GSK3B: variants seen among roughly 807,000 people sequenced by gnomAD.
GSK3B encodes the protein glycogen synthase kinase-3 beta.
GSK3B carries 15 observed loss-of-function variants against 56.4 expected under a neutral mutation model. That is an observed-to-expected ratio of 0.27 (90% CI 0.18 to 0.41). The LOEUF is 0.41. Among genes scored for constraint, GSK3B ranks in the 10% least tolerant of loss-of-function variants. The pLI is 1.00. For synonymous variants in GSK3B, 181 were observed against 188.9 expected, an observed-to-expected ratio of 0.96 and a Z score of 0.34; for missense variants, 300 against 513.4, an observed-to-expected ratio of 0.58 and a Z score of 4.02.
chr3:119,967,803 T>C (rs1390345803), intron 2 of GSK3B, among the ~76,000 whole-genome samples: 1 of 142,196 alleles, frequency 7.0e-6, no homozygotes, highest in African/African-American at 2.6e-5. Context: ...TCTCTCTCCC[T>C]CTCTCCCTCC....
intron 10 of GSK3B, chr3:119,833,098 T>A: frequency 2.6e-6 from 1 of 378,104 alleles, no homozygotes; most frequent in Non-Finnish European, 3.6e-6. Flanking sequence ...ATTTCTTGCC[T>A]TGATTCCTTG....
chr3:119,987,658 T>TA (rs147290663), intron 2 of GSK3B, among the ~76,000 whole-genome samples: 5,221 of 152,082 alleles, frequency 0.034, 326 homozygotes, highest in African/African-American at 0.12. Context: ...TATAAAGCAT[T>TA]AAAAAAAGTC....
At chr3:119,891,157 G>C (rs1007371831) in intron 7 of GSK3B, among the ~76,000 whole-genome samples, 2 of 151,912 alleles carry the variant, frequency 1.3e-5, no homozygotes. Context: ...TCTGGAAGGG[G>C]AGTCAAGAGC....
chr3:120,093,009 A>C (rs1005139534), intron 1 of GSK3B, among the ~76,000 whole-genome samples: 1 of 152,264 alleles, frequency 6.6e-6, no homozygotes, highest in African/African-American at 2.4e-5. Flanking sequence ...TTTATTCTAA[A>C]GGATGGGCAA....
chr3:120,012,655 T>G (rs2057789308), intron 1 of GSK3B, among the ~76,000 whole-genome samples: 2 of 152,214 alleles, frequency 1.3e-5, no homozygotes, highest in East Asian at 3.8e-4. Flanking sequence ...AATCACTTTC[T>G]ATTGAAGGCT....
intron 2 of GSK3B, among the ~76,000 whole-genome samples, chr3:119,983,059 T>C (rs1396888600): frequency 6.6e-6 from 1 of 152,170 alleles, no homozygotes; most frequent in Non-Finnish European, 1.5e-5. Context: ...TATTCAAAAT[T>C]CTTAAAGAAG....
At chr3:120,010,261 T>C (rs1292754137) in intron 1 of GSK3B, among the ~76,000 whole-genome samples, 1 of 152,112 alleles carries the variant, frequency 6.6e-6, no homozygotes, top group Non-Finnish European at 1.5e-5. Flanking sequence ...CCCCCAAAAT[T>C]CTATGCTAAT....
At chr3:119,831,502 C>A (rs1312684750) in intron 10 of GSK3B, among the ~76,000 whole-genome samples, 1 of 151,578 alleles carries the variant, frequency 6.6e-6, no homozygotes, top group East Asian at 1.9e-4. Context: ...CTAAAAATAC[C>A]AAAAATTAGC....
chr3:119,999,615 A>T (rs2057656055), intron 2 of GSK3B, among the ~76,000 whole-genome samples: 1 of 152,372 alleles, frequency 6.6e-6, no homozygotes, highest in Non-Finnish European at 1.5e-5. Context: ...TGTCATAAAA[A>T]ATATGGAATT....
Position 119,828,951 on chromosome 3 carries a change from A to G in GSK3B, c.1196-2096T>C, listed in dbSNP as rs568911246. 2.6e-5 allele frequency among the ~76,000 whole-genome samples: 4 copies of G among 152,344 alleles called. No homozygotes were observed. The East Asian group carries it at 7.7e-4, about 29-fold the overall frequency. On this transcript the variant is annotated intron_variant, in intron 10 of 10. Coordinates refer to ENST00000264235, the MANE Select transcript of GSK3B (RefSeq NM_001146156.2). ...CACATTAGGTTCATATAGCCCATGT[A>G]ATGGGGTCATATTAATTCATCAGTA...
At chr3:119,850,603 C>G (rs996146590) in intron 9 of GSK3B, among the ~76,000 whole-genome samples, 6 of 152,086 alleles carry the variant, frequency 3.9e-5, no homozygotes, top group Admixed American at 3.3e-4. Flanking sequence ...CCAACCATTA[C>G]TACCTACTTC....
At chr3:119,897,793 C>CA (rs11464173) in intron 7 of GSK3B, among the ~76,000 whole-genome samples, 17,033 of 72,432 alleles carry the variant, frequency 0.24, 1,494 homozygotes, top group African/African-American at 0.33. Flanking sequence ...GACTCTGTCT[C>CA]AAAAAAAAAA....
chr3:119,934,963 T>G (rs983588509), intron 3 of GSK3B, among the ~76,000 whole-genome samples: 1 of 152,076 alleles, frequency 6.6e-6, no homozygotes. Flanking sequence ...TTAGTTTTGC[T>G]GAAATATTAA....
chr3:119,917,529 T>C (rs1213470313), intron 4 of GSK3B, among the ~76,000 whole-genome samples: 1 of 152,128 alleles, frequency 6.6e-6, no homozygotes, highest in Non-Finnish European at 1.5e-5. Flanking sequence ...AGGAGTTTAA[T>C]TCATTACCAC....
Position 119,947,369 on chromosome 3 carries a change from A to T in GSK3B, c.283-18T>A. The T allele has an allele frequency of 6.9e-7, 1 of 1,453,692 alleles. No homozygotes were observed. The highest frequency in any genetic ancestry group is 9.7e-7 in the Non-Finnish European group (1 of 1,035,956). 90.0% of individuals were successfully genotyped at this position (1,453,692 alleles called of 1,614,324 possible). A position where few individuals can be genotyped will look rare whatever the true frequency, so the allele number is the denominator to read the frequency against. On this transcript the variant is annotated intron_variant, in intron 2 of 10. Coordinates refer to ENST00000264235, the MANE Select transcript of GSK3B (RefSeq NM_001146156.2). ...TCTCGATTCTGAAAAGGAAACACATAAAAATATATTTTTAAAGGATAACAG... is the reference window on the plus strand; with the variant it reads ...TCTCGATTCTGAAAAGGAAACACATTAAAATATATTTTTAAAGGATAACAG...
chr3:119,925,830 C>G (rs1208429552), intron 3 of GSK3B, among the ~76,000 whole-genome samples: 2 of 152,156 alleles, frequency 1.3e-5, no homozygotes, highest in Non-Finnish European at 2.9e-5. Context: ...AATTTCACTA[C>G]CACTATGCCA....
At chr3:120,034,396 T>C (rs995036795) in intron 1 of GSK3B, among the ~76,000 whole-genome samples, 1 of 152,200 alleles carries the variant, frequency 6.6e-6, no homozygotes, top group African/African-American at 2.4e-5. Flanking sequence ...TGACATAATT[T>C]TTGTAGATGG....
At chr3:119,943,789 G>A (rs2057072604) in intron 3 of GSK3B, among the ~76,000 whole-genome samples, 1 of 151,708 alleles carries the variant, frequency 6.6e-6, no homozygotes, top group Non-Finnish European at 1.5e-5. Context: ...GGGTGTGGGG[G>A]AGAAGAGAGA....
intron 1 of GSK3B, among the ~76,000 whole-genome samples, chr3:120,015,649 CAAAAAAAAAAA>C (rs61520236): frequency 6.4e-5 from 3 of 46,946 alleles, no homozygotes; most frequent in Non-Finnish European, 8.0e-5. Flanking sequence ...GACTCTGTCT[CAAAAAAAAAAA>C]AAAAAAAAAA....
Sources: gnomAD v4.1 joint callset for allele counts (sites outside exome capture counted in the v4.1 genomes callset) on GRCh38, gnomAD v4.1.1 for gene constraint, MANE v1.5 for transcripts, NCBI Gene and HGNC (gene_info 2026-07-23, HGNC 2026-07-21) for gene names.